Variants in SSBP1 observed in about 807,000 individuals in gnomAD.
The protein encoded by SSBP1 is single stranded DNA binding protein 1, also known as single-stranded DNA-binding protein, mitochondrial.
SSBP1 carries 20 observed loss-of-function variants against 27.0 expected under a neutral mutation model. The ratio of observed to expected loss-of-function variants is 0.74; its 90% confidence interval spans 0.52 to 1.08. SSBP1 has a LOEUF of 1.08. Among genes scored for constraint, SSBP1 ranks in the 50% least tolerant of loss-of-function variants. SSBP1 has a pLI of 0.00. For synonymous variants in SSBP1, 59 were observed against 59.3 expected, an observed-to-expected ratio of 1.00 and a Z score of 0.02; for missense variants, 137 against 182.4, an observed-to-expected ratio of 0.75 and a Z score of 1.44.
rs561447338 is a variant in SSBP1 at position 141,742,893 on chromosome 7, C to G, written c.85+664C>G. On this transcript the variant is annotated intron_variant, in intron 3 of 6. Coordinates refer to ENST00000265304, the MANE Select transcript of SSBP1 (RefSeq NM_003143.3). The stretch of plus-strand genomic sequence containing the variant: ...TTTTTGAGACTGAGTCTTGCTCTGT[C>G]GCCCAGGCTGGAGTGCAGTGGCGCG... Among the ~76,000 whole-genome samples, 6 of 152,212 alleles carry G rather than the reference C, an allele frequency of 3.9e-5. No individual in the cohort carries two copies. The South Asian group carries it at 1.2e-3, about 32-fold the overall frequency.
chr7:141,745,562 A>G lies in SSBP1; in HGVS notation c.381A>G (p.Arg127=). 6.2e-7 allele frequency: 1 copy of G among 1,613,318 alleles called. No homozygotes were observed. The highest frequency in any genetic ancestry group is 8.5e-7 in the Non-Finnish European group (1 of 1,179,660). Residue 127 remains arginine, a synonymous_variant, in exon 6 of 7, where the codon CGA becomes CGG. Coordinates refer to ENST00000265304, the MANE Select transcript of SSBP1 (RefSeq NM_003143.3). Reference sequence around the variant, plus strand: ...ACATGGATAAAAATAATGTGAGGCGACAAGCAACAACAATCATAGCTGGTA... The same window carrying G: ...ACATGGATAAAAATAATGTGAGGCGGCAAGCAACAACAATCATAGCTGGTA... The part of the protein sequence containing the change: ...GEYMDKNNVR[R]QATTIIADNI...
chr7:141,743,133 G>C, intron 3 of SSBP1, among the ~76,000 whole-genome samples: 1 of 152,336 alleles, frequency 6.6e-6, no homozygotes, highest in East Asian at 1.9e-4. Context: ...GATTACAGGC[G>C]TGAGCCACCG....
intron 2 of SSBP1, chr7:141,740,912 T>C (rs1799502730): frequency 6.6e-6 from 1 of 152,224 alleles, no homozygotes; most frequent in South Asian, 2.1e-4. Flanking sequence ...ATATTAGGTA[T>C]CCTAATTCCT....
intron 6 of SSBP1, among the ~76,000 whole-genome samples, chr7:141,749,013 TA>T (rs1192492954): frequency 6.6e-6 from 1 of 152,208 alleles, no homozygotes; most frequent in Non-Finnish European, 1.5e-5. Flanking sequence ...TTTGGAATTA[TA>T]AAGGAAATGC....
At chr7:141,740,208 C>T (rs561627184) in intron 2 of SSBP1, 1 of 152,258 alleles carries the variant, frequency 6.6e-6, no homozygotes, top group East Asian at 1.9e-4. Flanking sequence ...TCTTTATTTT[C>T]TTATCTGCCC....
chr7:141,746,766 A>G (rs1220227925), intron 6 of SSBP1, among the ~76,000 whole-genome samples: 3 of 152,250 alleles, frequency 2.0e-5, no homozygotes, highest in Non-Finnish European at 4.4e-5. Context: ...TGCTATAAGA[A>G]TTTTGAAAAT....
intron 6 of SSBP1, among the ~76,000 whole-genome samples, chr7:141,748,871 CCA>C (rs1799873689): frequency 6.6e-6 from 1 of 152,134 alleles, no homozygotes; most frequent in African/African-American, 2.4e-5. Context: ...TTGGCTTTTT[CCA>C]CAGTGATATT....
chr7:141,740,676 G>A (rs1178459691), intron 2 of SSBP1: 1 of 152,194 alleles, frequency 6.6e-6, no homozygotes, highest in Non-Finnish European at 1.5e-5. Flanking sequence ...TGACAGTGAT[G>A]TGACTTTGAC....
At chr7:141,743,465 G>C in intron 3 of SSBP1, 96 bp from the exon 4 acceptor site, 1 of 1,411,334 alleles carries the variant, frequency 7.1e-7, no homozygotes, top group Non-Finnish European at 9.7e-7. Flanking sequence ...CCATTACATT[G>C]AGGGTTAGAG....
chr7:141,738,408 C>T lies in SSBP1; in HGVS notation c.-46C>T, dbSNP rs1404235114. On this transcript the variant is annotated splice_region_variant and 5_prime_UTR_variant, in exon 1 of 7. Coordinates refer to ENST00000265304, the MANE Select transcript of SSBP1 (RefSeq NM_003143.3). ...GGCTGGGCTGCTCGGGTTAGATCGT[C>T]AGGTGAGGGAGGAAGGGATAGCCAG... is the stretch of plus-strand genomic sequence containing the variant. The T allele has an allele frequency of 6.6e-6, 1 of 152,406 alleles. No individual in the cohort carries two copies. The highest frequency in any genetic ancestry group is 1.9e-4 in the East Asian group (1 of 5,192). 9.4% of individuals were successfully genotyped at this position (152,406 alleles called of 1,614,324 possible).
At chr7:141,742,346 A>C in intron 3 of SSBP1, 117 bp downstream of exon 3, 1 of 709,788 alleles carries the variant, frequency 1.4e-6, no homozygotes, top group Non-Finnish European at 2.5e-6. Flanking sequence ...CTTTTAGCTC[A>C]TGTTTGCTCT....
At chr7:141,744,542 G>A (rs35407583) in intron 5 of SSBP1, among the ~76,000 whole-genome samples, 7,918 of 152,264 alleles carry the variant, frequency 0.052, 335 homozygotes, top group Non-Finnish European at 0.077. Context: ...CAAACTCATA[G>A]AAGGACAAAA....
In SSBP1 at chr7:141,739,129, G is replaced by A. The variant is rs758663231; in HGVS notation, c.-38G>A. On this transcript the variant is annotated 5_prime_UTR_variant, in exon 2 of 7. Coordinates refer to ENST00000265304, the MANE Select transcript of SSBP1 (RefSeq NM_003143.3). ...ATTTTGTTTTTTTCCTTCAGGAAAA[G>A]CCTAAAGATTAGACTGTAAGAAAAG... The A allele has an allele frequency of 1.9e-6, 3 of 1,564,804 alleles. No individual in the cohort carries two copies. Among genetic ancestry groups the A allele is most frequent in the Non-Finnish European group, 2.6e-6 (3 of 1,160,204 alleles).
At chr7:141,749,891 T>G (rs1799903590) in intron 6 of SSBP1, among the ~76,000 whole-genome samples, 1 of 152,238 alleles carries the variant, frequency 6.6e-6, no homozygotes, top group African/African-American at 2.4e-5. Context: ...CAGGGCCACA[T>G]ATGGACTCTT....
At chr7:141,739,312 C>CCTG in intron 2 of SSBP1, 122 bp downstream of exon 2, 1 of 665,476 alleles carries the variant, frequency 1.5e-6, no homozygotes. Context: ...CACCTCTATA[C>CCTG]TCATTTGATA....
intron 6 of SSBP1, among the ~76,000 whole-genome samples, chr7:141,748,775 A>T (rs1372548677): frequency 6.6e-6 from 1 of 152,156 alleles, no homozygotes; most frequent in East Asian, 1.9e-4. Context: ...AATAGAGTTT[A>T]TTGGTTGATC....
chr7:141,746,015 G>T (rs1388252752), intron 6 of SSBP1: 3 of 974,942 alleles, frequency 3.1e-6, no homozygotes, highest in Non-Finnish European at 3.7e-6. Context: ...TTGAAATTAA[G>T]ATTTTTTTAA....
chr7:141,748,151 C>G (rs888334778), intron 6 of SSBP1, among the ~76,000 whole-genome samples: 2 of 151,948 alleles, frequency 1.3e-5, no homozygotes, highest in African/African-American at 4.8e-5. Context: ...ACTTGACCTA[C>G]ACCTGGATTA....
rs1799750627 is a variant in SSBP1 at position 141,745,591 on chromosome 7, A to C, written c.403+7A>C. The C allele has an allele frequency of 6.2e-7, 1 of 1,613,002 alleles. No individual in the cohort carries two copies. Among genetic ancestry groups the C allele is most frequent in the African/African-American group, 1.3e-5 (1 of 74,876 alleles). ...GCAACAACAATCATAGCTGGTAAGA[A>C]GCTTGTGAAAATAGCTGTTTTTTTC... is the stretch of plus-strand genomic sequence containing the variant. On this transcript the variant is annotated splice_region_variant and intron_variant, in intron 6 of 6. Transcript: ENST00000265304.
Sources: gnomAD v4.1 joint callset for allele counts (sites outside exome capture counted in the v4.1 genomes callset) on GRCh38, gnomAD v4.1.1 for gene constraint, MANE v1.5 for transcripts, NCBI Gene and HGNC (gene_info 2026-07-23, HGNC 2026-07-21) for gene names.